Variants in SEZ6 observed in about 807,000 individuals in gnomAD.
SEZ6 encodes the protein seizure protein 6 homolog.
Under a neutral mutation model 101.0 loss-of-function variants are expected in SEZ6, and 53 were observed. The ratio of observed to expected loss-of-function variants is 0.52; its 90% CI spans 0.42 to 0.66. SEZ6 has a LOEUF of 0.66. Ranked by LOEUF, SEZ6 falls within the 30% of genes least tolerant of loss-of-function variation. SEZ6 has a pLI of 0.00. For missense variants in SEZ6, 1,102 were observed against 1,289.4 expected, an observed-to-expected ratio of 0.85 and a Z score of 2.23; for synonymous variants, 488 against 512.2, an observed-to-expected ratio of 0.95 and a Z score of 0.64.
Position 28,979,880 on chromosome 17 carries a change from C to CGTGTGT in SEZ6, c.725-73_725-68dup, listed in dbSNP as rs3052131. The stretch of plus-strand genomic sequence containing the variant: ...TGAAGTGGTCCAACTAAGGCTGAAC[C>CGTGTGT]GTGTGTGTGTGTGTGTGTGTGTGTG... On this transcript the variant is annotated intron_variant, in intron 2 of 16. Transcript: ENST00000317338. The CGTGTGT allele has an allele frequency of 3.8e-3, 3,271 of 857,726 alleles. 17 individuals are homozygous for CGTGTGT. Among genetic ancestry groups the CGTGTGT allele is most frequent in the African/African-American group, 5.4e-3 (300 of 55,152 alleles). 53.1% of individuals were successfully genotyped at this position (857,726 alleles called of 1,614,324 possible).
At position 28,956,867 on chromosome 17, in the gene SEZ6, A is replaced by T. The variant is rs546943266; in HGVS notation, c.2693-110T>A. 27 of 1,407,710 alleles carry T rather than the reference A, an allele frequency of 1.9e-5. 1 individual carries two copies. The South Asian group carries it at 3.2e-4, about 16-fold the overall frequency. The allele number at this position is 1,407,710 out of a possible 1,614,324, so 87.2% of individuals were successfully genotyped here. A position where few individuals can be genotyped will look rare whatever the true frequency, so the allele number is the denominator to read the frequency against. The stretch of plus-strand genomic sequence containing the variant: ...TCATGGGAAGGATTTGTCCAAGGAG[A>T]GGCCACTCCAGCATTTGTCTTGGTG... On this transcript the variant is annotated intron_variant, in intron 13 of 16. Coordinates refer to ENST00000317338, the MANE Select transcript of SEZ6 (RefSeq NM_178860.5).
chr17:28,971,821 C>A (rs2041155533), intron 3 of SEZ6, among the ~76,000 whole-genome samples: 1 of 152,124 alleles, frequency 6.6e-6, no homozygotes, highest in Non-Finnish European at 1.5e-5. Context: ...CAATGGGTTC[C>A]TCCTCTCTAT....
Position 29,005,740 on chromosome 17 carries a change from G to T in SEZ6, c.55+75C>A. On this transcript the variant is annotated intron_variant, in intron 1 of 16. Coordinates refer to ENST00000317338, the MANE Select transcript of SEZ6 (RefSeq NM_178860.5). This position sits in a 1 kb window ranked among gnomAD's most constrained non-coding sequence, Gnocchi z 4.8. ...TGGGCAGCCAGATGCCCGAAGCTGGGCACCGGGTCTCCCTTCCCACCCCTG... is the reference window on the plus strand; with the variant it reads ...TGGGCAGCCAGATGCCCGAAGCTGGTCACCGGGTCTCCCTTCCCACCCCTG... The T allele has an allele frequency of 7.1e-7, 1 of 1,407,306 alleles. No homozygotes were observed. The highest frequency in any genetic ancestry group is 9.4e-7 in the Non-Finnish European group (1 of 1,061,816). 87.2% of individuals were successfully genotyped at this position (1,407,306 alleles called of 1,614,324 possible).
chr17:28,956,514 G>A, intron 14 of SEZ6, 47 bp from the exon 15 acceptor site: 1 of 1,530,700 alleles, frequency 6.5e-7, no homozygotes, highest in Non-Finnish European at 8.8e-7. Context: ...CTGTCACCTG[G>A]AGCCCATATT....
intron 1 of SEZ6, among the ~76,000 whole-genome samples, chr17:28,985,853 G>A (rs1432876282): frequency 6.6e-6 from 1 of 152,220 alleles, no homozygotes; most frequent in African/African-American, 2.4e-5. Context: ...GGGACACAGC[G>A]GTGGGCCGCA....
intron 5 of SEZ6, among the ~76,000 whole-genome samples, chr17:28,962,299 CCT>C (rs1437157940): frequency 1.3e-5 from 2 of 152,200 alleles, no homozygotes; most frequent in Non-Finnish European, 2.9e-5. Flanking sequence ...TTGCTTGCCT[CCT>C]CTCTCATCTT....
At chr17:28,988,914 G>A (rs1282240537) in intron 1 of SEZ6, among the ~76,000 whole-genome samples, 1 of 152,224 alleles carries the variant, frequency 6.6e-6, no homozygotes, top group Non-Finnish European at 1.5e-5. Flanking sequence ...CCCAACTACT[G>A]GGAAGAGTGA....
chr17:28,965,553 C>T (rs746186128), intron 4 of SEZ6, among the ~76,000 whole-genome samples: 1 of 151,996 alleles, frequency 6.6e-6, no homozygotes, highest in East Asian at 1.9e-4. Flanking sequence ...GAAGTGGGAT[C>T]GCTTGAGCCT....
intron 3 of SEZ6, among the ~76,000 whole-genome samples, chr17:28,970,987 ATGCTGATCTTC>A (rs2041144090): frequency 6.6e-6 from 1 of 152,096 alleles, no homozygotes; most frequent in Non-Finnish European, 1.5e-5. Flanking sequence ...CTCTGCTATC[ATGCTGATCTTC>A]AGGCCCTCAG....
At chr17:28,996,401 C>A (rs1356941960) in intron 1 of SEZ6, among the ~76,000 whole-genome samples, 4 of 152,152 alleles carry the variant, frequency 2.6e-5, no homozygotes, top group African/African-American at 9.7e-5. Context: ...CCCCGCCCAC[C>A]CAGCACTCCA....
At chr17:29,001,293 T>G (rs1177005435) in intron 1 of SEZ6, among the ~76,000 whole-genome samples, 1 of 152,044 alleles carries the variant, frequency 6.6e-6, no homozygotes, top group African/African-American at 2.4e-5. Context: ...CCCCAAGACA[T>G]AGTGGGTGAA....
At chr17:29,000,911 T>C (rs1488526345) in intron 1 of SEZ6, among the ~76,000 whole-genome samples, 2 of 152,072 alleles carry the variant, frequency 1.3e-5, no homozygotes, top group East Asian at 3.9e-4. Context: ...CAACATGTAT[T>C]TAATGTCTGC....
intron 1 of SEZ6, among the ~76,000 whole-genome samples, chr17:29,000,479 C>T (rs1056601435): frequency 1.3e-5 from 2 of 152,158 alleles, no homozygotes; most frequent in Non-Finnish European, 2.9e-5. Context: ...CCAGGCCTCA[C>T]GTCTCAATAT....
rs917384895 is a variant in SEZ6, at chr17:28,976,167, G to T, written c.858+3513C>A. 4.6e-5 allele frequency among the ~76,000 whole-genome samples: 7 copies of T among 152,354 alleles called. 1 individual carries two copies. In the South Asian group the frequency reaches 1.4e-3, roughly 32 times the overall value. On this transcript the variant is annotated intron_variant, in intron 3 of 16. Transcript: ENST00000317338. ...TGGCTCAGACCTTCAGCCTCAGAGG[G>T]CATCAATAACTGCAGCACCATCAAA...
At chr17:28,985,029 T>A (rs1431751458) in intron 1 of SEZ6, among the ~76,000 whole-genome samples, 1 of 152,214 alleles carries the variant, frequency 6.6e-6, no homozygotes, top group African/African-American at 2.4e-5. Context: ...ATTTCCATTT[T>A]ACAAAGACCT....
At chr17:28,956,614 CCT>C in intron 14 of SEZ6, 103 bp downstream of exon 14, 2 of 1,519,718 alleles carry the variant, frequency 1.3e-6, no homozygotes, top group Non-Finnish European at 1.8e-6. Context: ...TAGGCCCAAA[CCT>C]CTCTCTTTCT....
Position 28,959,060 on chromosome 17 carries a change from A to G in SEZ6, c.2072T>C (p.Leu691Pro). The G allele has an allele frequency of 6.2e-7, 1 of 1,613,910 alleles. No individual in the cohort carries two copies. Among genetic ancestry groups the G allele is most frequent in the Non-Finnish European group, 8.5e-7 (1 of 1,179,814 alleles). ...QFQSDPGTSV[L>P]GYQQGFVIHF... ...GATGACGAAGCCCTGCTGGTAGCCCAGCACTGAGGTCCCGGGGTCCGACTG... is the reference window on the plus strand; with the variant it reads ...GATGACGAAGCCCTGCTGGTAGCCCGGCACTGAGGTCCCGGGGTCCGACTG... Residue 691 changes from leucine (L) to proline (P), a missense_variant, in exon 10 of 17, where the codon CTG becomes CCG. Physicochemically the swap from Leu to Pro is moderately conservative, Grantham distance 98 (BLOSUM62 -3). Coordinates refer to ENST00000317338, the MANE Select transcript of SEZ6 (RefSeq NM_178860.5). The surrounding 1 kb of genome is among the most constrained non-coding windows in gnomAD (Gnocchi z 4.4).
intron 1 of SEZ6, among the ~76,000 whole-genome samples, chr17:28,985,138 TCCACATACCCACCTG>T (rs2041361185): frequency 6.6e-6 from 1 of 152,206 alleles, no homozygotes. Flanking sequence ...CCTAGGTCTT[TCCACATACCCACCTG>T]CCTCATGGGA....
Position 28,957,997 on chromosome 17 carries a change from A to C in SEZ6, c.2252T>G (p.Met751Arg). The C allele has an allele frequency of 6.2e-7, 1 of 1,614,004 alleles. No homozygotes were observed. Among genetic ancestry groups the C allele is most frequent in the South Asian group, 1.1e-5 (1 of 91,088 alleles). ...ACTCCAAGTTAGGTCCCACTGGCAC[A>C]TGAGGACACTGGATCCCACTACCTG... ...GYQVVGSSVL[M>R]CQWDLTWSED... Residue 751 changes from methionine (M) to arginine (R), a missense_variant, in exon 11 of 17, where the codon ATG (methionine) becomes AGG (arginine). Met to Arg is a moderately conservative substitution (Grantham distance 91). This residue lies in a region of SEZ6 where 556 missense variants were observed against 735.1 expected (regional missense o/e 0.76). Coordinates refer to ENST00000317338, the MANE Select transcript of SEZ6 (RefSeq NM_178860.5).
Sources: gnomAD v4.1 joint callset for allele counts (sites outside exome capture counted in the v4.1 genomes callset) on GRCh38, gnomAD v4.1.1 for gene constraint, gnomAD v4.1.1 regional missense constraint, Gnocchi (gnomAD v3.1) non-coding constraint, MANE v1.5 for transcripts, NCBI Gene and HGNC (gene_info 2026-07-23, HGNC 2026-07-21) for gene names.